Variants in MYO9A observed in about 807,000 individuals in gnomAD.
MYO9A encodes the protein myosin IXA.
In MYO9A, 103 loss-of-function variants were observed where a neutral mutation model predicts 293.3. The ratio of observed to expected loss-of-function variants is 0.35; its 90% CI spans 0.30 to 0.41. The LOEUF (loss-of-function observed/expected upper bound fraction) is 0.41, where lower values mean the gene tolerates loss of function less well. Ranked by LOEUF, MYO9A falls within the 10% of genes least tolerant of loss-of-function variation. The pLI is 1.00. For synonymous variants in MYO9A, 1,001 were observed against 1,035.7 expected (o/e 0.97, Z 0.64); for missense variants, 2,685 against 3,033.0 (o/e 0.89, Z 2.69).
At chr15:71,913,653 C>T (rs536295176) in intron 19 of MYO9A, among the ~76,000 whole-genome samples, 8 of 151,980 alleles carry the variant, frequency 5.3e-5, no homozygotes, top group South Asian at 4.2e-4. Context: ...AATTTCTCAT[C>T]GGATGTTAGA....
chr15:71,959,950 G>A lies in MYO9A; in HGVS notation c.2133C>T (p.Ala711=). ...TCCCAGCTTCCCTGAAAGCAACCATGGCTCTGAAAAAAGCTCGGAGAATTG... is the reference window on the plus strand; with the variant it reads ...TCCCAGCTTCCCTGAAAGCAACCATAGCTCTGAAAAAAGCTCGGAGAATTG... ...RWAILRAFFR[A]MVAFREAGKR... Residue 711 remains alanine (A), a synonymous_variant, in exon 14 of 42, where the codon GCC becomes GCT. Transcript: ENST00000356056. 1 of 1,613,822 alleles carries A rather than the reference G, an allele frequency of 6.2e-7. No homozygotes were observed. Among genetic ancestry groups the A allele is most frequent in the Non-Finnish European group, 8.5e-7 (1 of 1,179,924 alleles).
chr15:71,922,869 T>A (rs541830722), intron 18 of MYO9A, among the ~76,000 whole-genome samples: 2 of 152,150 alleles, frequency 1.3e-5, no homozygotes, highest in South Asian at 4.2e-4. Flanking sequence ...TTTCTATGCC[T>A]TTTTTTTCTT....
chr15:71,956,061 G>T (rs1164432950), intron 14 of MYO9A, among the ~76,000 whole-genome samples: 2 of 150,570 alleles, frequency 1.3e-5, no homozygotes, highest in East Asian at 1.9e-4. Flanking sequence ...CAGACACTCG[G>T]GGGGAGGCTG....
chr15:71,925,184 CATGTGTATATAT>C (rs59005679), intron 18 of MYO9A, among the ~76,000 whole-genome samples: 10 of 2,600 alleles, frequency 3.8e-3, no homozygotes, highest in African/African-American at 5.6e-3. Context: ...CACATATATA[CATGTGTATATAT>C]ACACATATAT....
intron 1 of MYO9A, among the ~76,000 whole-genome samples, chr15:72,111,174 T>A (rs1006881216): frequency 3.6e-5 from 5 of 138,310 alleles, no homozygotes; most frequent in African/African-American, 1.4e-4. Context: ...AAAAAAAAAA[T>A]TATTGATTTC....
chr15:71,873,304 T>C (rs1197145490), intron 32 of MYO9A, among the ~76,000 whole-genome samples: 1 of 152,198 alleles, frequency 6.6e-6, no homozygotes, highest in Non-Finnish European at 1.5e-5. Context: ...TATATAGATG[T>C]ATCTAATTTA....
chr15:71,852,338 T>A, intron 35 of MYO9A, 78 bp from the exon 36 acceptor site: 23 of 1,159,630 alleles, frequency 2.0e-5, no homozygotes, highest in Non-Finnish European at 2.6e-5. Flanking sequence ...GAAACTATCA[T>A]CATTAAAGGA....
intron 6 of MYO9A, among the ~76,000 whole-genome samples, chr15:72,014,207 A>G (rs2077255661): frequency 6.6e-6 from 1 of 152,206 alleles, no homozygotes; most frequent in Admixed American, 6.5e-5. Flanking sequence ...AATTGCTCCT[A>G]TGGTGGTGAA....
At position 72,035,422 on chromosome 15, in the gene MYO9A, T is replaced by C. The variant is rs187517070; in HGVS notation, c.841-2834A>G. 4.6e-5 allele frequency among the ~76,000 whole-genome samples: 7 copies of C among 152,302 alleles called. No individual in the cohort carries two copies. The East Asian group carries it at 1.3e-3, about 29-fold the overall frequency. ...AACAAACTGTGATTCATCTAAATAA[T>C]GGAATACTACTCACAAGCAAAATAA... On this transcript the variant is annotated intron_variant, in intron 2 of 41. Transcript: ENST00000356056.
chr15:72,100,850 G>A (rs1217185118), intron 1 of MYO9A, among the ~76,000 whole-genome samples: 5 of 150,754 alleles, frequency 3.3e-5, no homozygotes, highest in Non-Finnish European at 5.9e-5. Flanking sequence ...CCGGCCAGCC[G>A]CCCCGTCCGG....
chr15:71,826,009 G>GTTTTTTTTTTT lies in MYO9A; in HGVS notation c.*560_*570dup, dbSNP rs1158678203. 46 of 64,102 alleles carry GTTTTTTTTTTT rather than the reference G, an allele frequency of 7.2e-4. No individual in the cohort carries two copies. Among genetic ancestry groups the GTTTTTTTTTTT allele is most frequent in the East Asian group, 1.1e-3 (2 of 1,832 alleles). The allele number at this position is 64,102 out of a possible 1,614,324, so 4.0% of individuals were successfully genotyped here. On this transcript the variant is annotated 3_prime_UTR_variant, in exon 42 of 42. Coordinates refer to ENST00000356056, the MANE Select transcript of MYO9A (RefSeq NM_006901.4). ...GGTTTTTTTTTGTTTTTTTTTTTTT[G>GTTTTTTTTTTT]TTTTTTTTTTTTGTTTTTGCTTTCC... is the stretch of plus-strand genomic sequence containing the variant.
intron 1 of MYO9A, among the ~76,000 whole-genome samples, chr15:72,069,600 T>C (rs2079121899): frequency 6.6e-6 from 1 of 152,098 alleles, no homozygotes; most frequent in Non-Finnish European, 1.5e-5. Context: ...AAACCACTTA[T>C]CAGGTTATGG....
intron 15 of MYO9A, among the ~76,000 whole-genome samples, chr15:71,950,980 G>T (rs938212616): frequency 2.6e-5 from 4 of 152,092 alleles, no homozygotes; most frequent in Non-Finnish European, 5.9e-5. Flanking sequence ...ACTGGCAAAA[G>T]AATCAATTTT....
intron 12 of MYO9A, 48 bp downstream of exon 12, chr15:71,978,123 T>C (rs752988174): frequency 6.3e-7 from 1 of 1,599,516 alleles, no homozygotes; most frequent in Admixed American, 1.8e-5. Flanking sequence ...TAAAAGGAGA[T>C]AAAAAGCCAA....
intron 1 of MYO9A, among the ~76,000 whole-genome samples, chr15:72,101,586 A>T (rs2080326689): frequency 2.7e-5 from 3 of 109,486 alleles, no homozygotes; most frequent in East Asian, 3.4e-4. Context: ...GGCCGCCCCT[A>T]CTGGGAAGTG....
chr15:72,037,016 AGCCACAGT>A (rs761492049), intron 2 of MYO9A, among the ~76,000 whole-genome samples: 2 of 149,814 alleles, frequency 1.3e-5, no homozygotes, highest in African/African-American at 2.4e-5. Flanking sequence ...TATAAGCATG[AGCCACAGT>A]GCCTGCCCCT....
intron 6 of MYO9A, among the ~76,000 whole-genome samples, chr15:72,016,834 G>T (rs888421696): frequency 1.3e-5 from 2 of 152,038 alleles, no homozygotes; most frequent in Non-Finnish European, 2.9e-5. Context: ...GACTTCAATG[G>T]TGGCAACAAC....
Position 71,999,896 on chromosome 15 carries a change from C to T in MYO9A, c.1425G>A (p.Thr475=), listed in dbSNP as rs746324439. The change falls in exon 9 of 42, where the codon ACG becomes ACA. Residue 475 remains threonine (T), a synonymous_variant. Coordinates refer to ENST00000356056, the MANE Select transcript of MYO9A (RefSeq NM_006901.4). ...MLFEALVTRK[T]VTVGEKLILP... ...AAATAAGCTTTTCTCCCACTGTCAC[C>T]GTCTTCCTTGTAACTAATGCTTCAA... 4.3e-6 allele frequency: 7 copies of T among 1,612,522 alleles called. No homozygotes were observed. Among genetic ancestry groups the T allele is most frequent in the African/African-American group, 1.3e-5 (1 of 74,836 alleles).
intron 4 of MYO9A, 135 bp from the exon 5 acceptor site, chr15:72,021,152 T>G: frequency 1.8e-6 from 1 of 571,284 alleles, no homozygotes; most frequent in Non-Finnish European, 3.0e-6. Context: ...ATGTGATAAA[T>G]TCAGCGTTTA....
Sources: allele counts gnomAD v4.1 joint callset (sites outside exome capture counted in the v4.1 genomes callset), GRCh38; gene constraint gnomAD v4.1.1; transcripts MANE v1.5; gene names NCBI Gene and HGNC (gene_info 2026-07-23, HGNC 2026-07-21).